The following FARS2 variants were observed in gnomAD, a reference collection of about 807,000 sequenced individuals.
The protein encoded by FARS2 is phenylalanine--tRNA ligase, mitochondrial.
FARS2 carries 40 observed loss-of-function variants against 46.4 expected under a neutral mutation model. That is an observed-to-expected ratio of 0.86 (90% CI 0.67 to 1.12). The LOEUF (loss-of-function observed/expected upper bound fraction) is 1.12, where lower values mean the gene tolerates loss of function less well. Ranked by LOEUF, FARS2 falls within the 50% of genes most tolerant of loss-of-function variation. FARS2 has a pLI of 0.00. For missense variants in FARS2, 513 were observed against 567.9 expected, an observed-to-expected ratio of 0.90 and a Z score of 0.98; for synonymous variants, 234 against 214.9, an observed-to-expected ratio of 1.09 and a Z score of -0.78.
chr6:5,258,212 C>T (rs188462007), upstream of FARS2, among the ~76,000 whole-genome samples: 10 of 152,284 alleles, frequency 6.6e-5, no homozygotes, highest in Middle Eastern at 3.4e-3. Context: ...GCTATCAAAA[C>T]GTGGCCTATA....
chr6:5,605,246 G>T (rs919238915), intron 5 of FARS2, among the ~76,000 whole-genome samples: 1 of 152,194 alleles, frequency 6.6e-6, no homozygotes, highest in African/African-American at 2.4e-5. Flanking sequence ...ATCGCTAGCC[G>T]GGAGGTGGAA....
At chr6:5,381,296 C>T (rs573654501) in intron 2 of FARS2, among the ~76,000 whole-genome samples, 26 of 151,730 alleles carry the variant, frequency 1.7e-4, no homozygotes, top group African/African-American at 5.8e-4. Flanking sequence ...CGCGCCCGGC[C>T]TATAGCAATG....
At chr6:5,390,106 C>T (rs1562005298) in intron 2 of FARS2, among the ~76,000 whole-genome samples, 1 of 150,966 alleles carries the variant, frequency 6.6e-6, no homozygotes. Context: ...TCAAGTGATC[C>T]ACCCATGTCG....
the FARS2 span, among the ~76,000 whole-genome samples, chr6:5,252,763 CCTGA>C: frequency 2.0e-5 from 3 of 152,254 alleles, no homozygotes; most frequent in Admixed American, 2.0e-4. Flanking sequence ...CCTTCTTCTT[CCTGA>C]CTAAATAAGG....
At chr6:5,552,283 G>T (rs1157188936) in intron 5 of FARS2, among the ~76,000 whole-genome samples, 1 of 152,140 alleles carries the variant, frequency 6.6e-6, no homozygotes, top group Non-Finnish European at 1.5e-5. Context: ...TAAAATGATT[G>T]TAATTCTCTG....
At chr6:5,341,222 TATATATA>T (rs1771593291) in intron 1 of FARS2, among the ~76,000 whole-genome samples, 17 of 7,256 alleles carry the variant, frequency 2.3e-3, no homozygotes, top group African/African-American at 4.2e-3. Context: ...TATATATATA[TATATATA>T]TATATATTTT....
intron 6 of FARS2, among the ~76,000 whole-genome samples, chr6:5,722,632 G>C (rs1024158294): frequency 6.6e-6 from 1 of 152,186 alleles, no homozygotes; most frequent in Non-Finnish European, 1.5e-5. Context: ...AGGGGGAAGC[G>C]CAGGGAGAGA....
intron 5 of FARS2, among the ~76,000 whole-genome samples, chr6:5,595,625 T>C (rs1488990018): frequency 2.9e-4 from 44 of 152,200 alleles, no homozygotes; most frequent in Non-Finnish European, 2.9e-5. Flanking sequence ...ATGTAAACTC[T>C]TCCCCAGGTT....
At chr6:5,275,206 G>A (rs1248739417) in intron 1 of FARS2, among the ~76,000 whole-genome samples, 4 of 152,022 alleles carry the variant, frequency 2.6e-5, no homozygotes, top group Non-Finnish European at 5.9e-5. Context: ...AAGCTTTTTT[G>A]CACTGAAGGA....
intron 6 of FARS2, among the ~76,000 whole-genome samples, chr6:5,732,024 G>T (rs1760658757): frequency 6.6e-6 from 1 of 152,180 alleles, no homozygotes; most frequent in African/African-American, 2.4e-5. Context: ...GGGTCCTGCT[G>T]ACCCCGTCAC....
chr6:5,492,087 C>T (rs111780858), intron 4 of FARS2, among the ~76,000 whole-genome samples: 593 of 152,216 alleles, frequency 3.9e-3, no homozygotes, highest in African/African-American at 0.013. Flanking sequence ...TTCTATGAAA[C>T]GGTATGTGCA....
chr6:5,362,698 A>G (rs549149460), intron 1 of FARS2, among the ~76,000 whole-genome samples: 4 of 152,266 alleles, frequency 2.6e-5, no homozygotes, highest in East Asian at 1.9e-4. Flanking sequence ...ATTCCCACCA[A>G]CAGTGTACAG....
At chr6:5,758,981 G>GA (rs138170437) in intron 6 of FARS2, among the ~76,000 whole-genome samples, 15,953 of 150,984 alleles carry the variant, frequency 0.11, 1,470 homozygotes, top group East Asian at 0.26. Flanking sequence ...TGTTTCATTA[G>GA]AAAAAAAAAG....
At chr6:5,383,091 G>T (rs907756490) in intron 2 of FARS2, among the ~76,000 whole-genome samples, 6 of 152,138 alleles carry the variant, frequency 3.9e-5, no homozygotes, top group African/African-American at 1.4e-4. Flanking sequence ...AAATATCTGG[G>T]CACCCTGTGA....
At chr6:5,463,702 TAA>T (rs35161136) in intron 4 of FARS2, among the ~76,000 whole-genome samples, 2,329 of 149,908 alleles carry the variant, frequency 0.016, 65 homozygotes, top group African/African-American at 0.053. Context: ...TTTGTTTTCT[TAA>T]AAAAAAAAAA....
In FARS2 at chr6:5,607,118, T is replaced by C. The variant is rs1774883298; in HGVS notation, c.1066-6051T>C. Among the ~76,000 whole-genome samples the C allele has an allele frequency of 1.3e-5, 2 of 152,074 alleles. 1 individual carries two copies. Among genetic ancestry groups the C allele is most frequent in the South Asian group, 4.2e-4 (2 of 4,782 alleles). On this transcript the variant is annotated intron_variant, in intron 5 of 6. Coordinates refer to ENST00000274680, the MANE Select transcript of FARS2 (RefSeq NM_006567.5). ...TTTTAACTTAAAATTAGCTGTTGAG[T>C]TAATTTATTGTTTTACCTGTGATTT...
At chr6:5,715,812 C>A (rs1425154183) in intron 6 of FARS2, among the ~76,000 whole-genome samples, 1 of 152,146 alleles carries the variant, frequency 6.6e-6, no homozygotes, top group Non-Finnish European at 1.5e-5. Flanking sequence ...ACTTTAATTT[C>A]TCTTGGGTGT....
At chr6:5,379,556 G>A (rs1759618337) in intron 2 of FARS2, among the ~76,000 whole-genome samples, 2 of 152,194 alleles carry the variant, frequency 1.3e-5, no homozygotes, top group South Asian at 4.1e-4. Context: ...TCCCGCAGCT[G>A]TGGTTCACTG....
At chr6:5,669,691 C>T (rs977430671) in intron 6 of FARS2, among the ~76,000 whole-genome samples, 1 of 152,100 alleles carries the variant, frequency 6.6e-6, no homozygotes, top group East Asian at 1.9e-4. Context: ...CAAATCCTGC[C>T]CTGCTAGTCA....
Sources: allele counts gnomAD v4.1 joint callset (sites outside exome capture counted in the v4.1 genomes callset), GRCh38; gene constraint gnomAD v4.1.1; transcripts MANE v1.5; gene names NCBI Gene and HGNC (gene_info 2026-07-23, HGNC 2026-07-21).